The following EHD3 variants were observed in gnomAD, a reference collection of about 807,000 sequenced individuals.
The protein encoded by EHD3 is EH domain containing 3.
Under a neutral mutation model 43.0 loss-of-function variants are expected in EHD3, and 17 were observed. The observed-to-expected ratio is 0.40, with a 90% confidence interval of 0.27 to 0.59. The LOEUF (loss-of-function observed/expected upper bound fraction) is 0.59. EHD3 is among the 20% of genes least tolerant of loss of function. EHD3 has a pLI of 0.49. For synonymous variants in EHD3, 313 were observed against 289.5 expected (o/e 1.08, Z -0.82); for missense variants, 594 against 705.6 (o/e 0.84, Z 1.79).
chr2:31,264,532 A>ATTTTTT (rs1558653199), intron 5 of EHD3, among the ~76,000 whole-genome samples: 3 of 86,656 alleles, frequency 3.5e-5, no homozygotes, highest in African/African-American at 1.7e-4. Flanking sequence ...TACTTTACAG[A>ATTTTTT]CTTTTTTTTT....
chr2:31,246,473 C>T (rs956648292), intron 2 of EHD3, among the ~76,000 whole-genome samples: 1 of 151,984 alleles, frequency 6.6e-6, no homozygotes, highest in African/African-American at 2.4e-5. Flanking sequence ...CAGGGGGAGA[C>T]AAGAGGAAAC....
At chr2:31,265,058 A>G (rs1303214277) in intron 5 of EHD3, among the ~76,000 whole-genome samples, 1 of 152,118 alleles carries the variant, frequency 6.6e-6, no homozygotes, top group South Asian at 2.1e-4. Context: ...TCACCTCCAC[A>G]TCTTGTCCCA....
At chr2:31,248,075 G>A (rs151120747) in intron 2 of EHD3, among the ~76,000 whole-genome samples, 2 of 152,266 alleles carry the variant, frequency 1.3e-5, no homozygotes, top group Non-Finnish European at 2.9e-5. Flanking sequence ...CCTCTTGCAT[G>A]TGCCACCAGC....
At chr2:31,263,067 T>C (rs1271436020) in intron 5 of EHD3, among the ~76,000 whole-genome samples, 1 of 152,200 alleles carries the variant, frequency 6.6e-6, no homozygotes, top group African/African-American at 2.4e-5. Flanking sequence ...TAGTCCTCAA[T>C]AGGCATTTTT....
intron 1 of EHD3, among the ~76,000 whole-genome samples, chr2:31,235,118 C>T (rs1338468032): frequency 6.6e-6 from 1 of 152,160 alleles, no homozygotes; most frequent in Non-Finnish European, 1.5e-5. Context: ...TTCCCAGTCT[C>T]CCCATCTTAT....
Position 31,260,468 on chromosome 2 carries a change from T to C in EHD3, c.503-42T>C. The C allele has an allele frequency of 6.4e-7, 1 of 1,555,226 alleles. No homozygotes were observed. The highest frequency in any genetic ancestry group is 8.7e-7 in the Non-Finnish European group (1 of 1,147,382). Reference sequence around the variant, plus strand: ...ACTGCTTCTCCAAACCCCTACCCTATACCCCAAAGGCCCCAGCCCCTGATT... The same window carrying C: ...ACTGCTTCTCCAAACCCCTACCCTACACCCCAAAGGCCCCAGCCCCTGATT... On this transcript the variant is annotated intron_variant, in intron 3 of 5. Transcript: ENST00000322054. The surrounding 1 kb of genome is among the most constrained non-coding windows in gnomAD (Gnocchi z 4.6).
chr2:31,234,203 C>G lies in EHD3; in HGVS notation c.-419C>G. ...GGGCTGGGCAGCGTCGCCGTCTCCC[C>G]TGAGCCGCCTCGGTCCGGCAGGAGC... On this transcript the variant is annotated 5_prime_UTR_variant, in exon 1 of 6. Transcript: ENST00000322054. 4.0e-6 allele frequency: 1 copy of G among 249,566 alleles called. No homozygotes were observed. The highest frequency in any genetic ancestry group is 7.9e-6 in the Non-Finnish European group (1 of 127,320). 15.5% of individuals were successfully genotyped at this position (249,566 alleles called of 1,614,324 possible).
intron 5 of EHD3, among the ~76,000 whole-genome samples, chr2:31,264,693 C>T (rs1683912299): frequency 6.6e-6 from 1 of 151,896 alleles, no homozygotes. Flanking sequence ...CCATGCCCAG[C>T]TAAATTTTTT....
chr2:31,261,693 C>T lies in EHD3; in HGVS notation c.1060C>T (p.Pro354Ser). Reference protein sequence around the residue: ...REHQISPGDFPNLKRMQDQLQ... With the variant: ...REHQISPGDFSNLKRMQDQLQ... The stretch of plus-strand genomic sequence containing the variant: ...GCACCAGATCTCACCTGGGGACTTC[C>T]CCAATCTGAAGAGGATGCAGGTAGC... Residue 354 changes from proline to serine, a missense_variant, in exon 5 of 6, where the codon CCC (proline) becomes TCC (serine). Coordinates refer to ENST00000322054, the MANE Select transcript of EHD3 (RefSeq NM_014600.3). 6.2e-7 allele frequency: 1 copy of T among 1,614,140 alleles called. No homozygotes were observed. The highest frequency in any genetic ancestry group is 8.5e-7 in the Non-Finnish European group (1 of 1,180,028).
intron 1 of EHD3, among the ~76,000 whole-genome samples, chr2:31,241,246 G>C (rs138609119): frequency 7.6e-4 from 115 of 152,244 alleles, no homozygotes; most frequent in African/African-American, 2.6e-3. Context: ...TGGCCTTCTT[G>C]TCCCATTCAT....
intron 3 of EHD3, among the ~76,000 whole-genome samples, chr2:31,251,827 CT>C (rs1342727046): frequency 6.6e-6 from 1 of 152,164 alleles, no homozygotes; most frequent in African/African-American, 2.4e-5. Flanking sequence ...TTCTGTCTTG[CT>C]TTGGTTTGTT....
intron 2 of EHD3, among the ~76,000 whole-genome samples, chr2:31,248,280 A>G (rs568419431): frequency 6.6e-6 from 1 of 152,208 alleles, no homozygotes; most frequent in Non-Finnish European, 1.5e-5. Context: ...TAAATGCCCA[A>G]ATAAATGTTC....
At chr2:31,244,229 C>A (rs758135833) in intron 1 of EHD3, 45 bp from the exon 2 acceptor site, 4 of 1,581,304 alleles carry the variant, frequency 2.5e-6, no homozygotes, top group Admixed American at 1.7e-5. Flanking sequence ...CCGTGTTGAT[C>A]TTTGCGCAGA....
rs1222972588 is a variant in EHD3, at chr2:31,266,790, AC to A, written c.*87del. 2,325 of 1,392,468 alleles carry A rather than the reference AC, an allele frequency of 1.7e-3. 11 individuals are homozygous for A. The African/African-American group carries it at 0.021, about 13-fold the overall frequency. The allele number at this position is 1,392,468 out of a possible 1,614,324, so 86.3% of individuals were successfully genotyped here. On this transcript the variant is annotated 3_prime_UTR_variant, in exon 6 of 6. Transcript: ENST00000322054. The surrounding 1 kb of genome is among the most constrained non-coding windows in gnomAD (Gnocchi z 5.1). ...CACACACACACACACACACACACAC[AC>A]ACAAACATGCACACACACATATGCA...
At chr2:31,243,613 T>C (rs1199068894) in intron 1 of EHD3, among the ~76,000 whole-genome samples, 3 of 151,650 alleles carry the variant, frequency 2.0e-5, no homozygotes, top group Non-Finnish European at 2.9e-5. Context: ...CCTGCCACCA[T>C]GCCCAGCTAA....
intron 3 of EHD3, among the ~76,000 whole-genome samples, chr2:31,249,876 C>G (rs1280099968): frequency 6.6e-6 from 1 of 152,116 alleles, no homozygotes; most frequent in South Asian, 2.1e-4. Context: ...GGTATCAGTG[C>G]CCTGGGTCAT....
Position 31,258,438 on chromosome 2 carries a change from A to C in EHD3, c.503-2072A>C, listed in dbSNP as rs552579441. 9.0e-4 allele frequency among the ~76,000 whole-genome samples: 137 copies of C among 152,222 alleles called. 1 individual carries two copies. The highest frequency in any genetic ancestry group is 3.0e-3 in the African/African-American group (126 of 41,530). ...TTTTAAACCTAGCTCCGTTGGCTCC[A>C]TTCATCCTCATCCCCCACCCCATCG... On this transcript the variant is annotated intron_variant, in intron 3 of 5. Coordinates refer to ENST00000322054, the MANE Select transcript of EHD3 (RefSeq NM_014600.3).
chr2:31,252,404 A>T (rs535135663), intron 3 of EHD3, among the ~76,000 whole-genome samples: 2 of 151,236 alleles, frequency 1.3e-5, no homozygotes, highest in East Asian at 2.0e-4. Context: ...GTTCCCAGGG[A>T]CTCCTGCCTT....
chr2:31,250,181 A>G (rs1004309615), intron 3 of EHD3, among the ~76,000 whole-genome samples: 2 of 152,114 alleles, frequency 1.3e-5, no homozygotes, highest in African/African-American at 4.8e-5. Context: ...GAAATGCTTA[A>G]GATAAAAAGC....
Sources: gnomAD v4.1 joint callset for allele counts (sites outside exome capture counted in the v4.1 genomes callset) on GRCh38, gnomAD v4.1.1 for gene constraint, Gnocchi (gnomAD v3.1) non-coding constraint, MANE v1.5 for transcripts, NCBI Gene and HGNC (gene_info 2026-07-23, HGNC 2026-07-21) for gene names.